The following TLE6 variants were observed in gnomAD, a reference collection of about 807,000 sequenced individuals.
TLE6 encodes transducin-like enhancer protein 6.
A neutral mutation model predicts 77.1 loss-of-function variants in TLE6; 72 were observed. That is an observed-to-expected ratio of 0.93 (90% confidence interval 0.77 to 1.14). The LOEUF is 1.14. Among genes scored for constraint, TLE6 ranks in the 50% most tolerant of loss-of-function variants. TLE6 has a pLI of 0.00. For missense variants in TLE6, 843 were observed against 747.6 expected, an observed-to-expected ratio of 1.13 and a Z score of -1.49; for synonymous variants, 366 against 287.3, an observed-to-expected ratio of 1.27 and a Z score of -2.77.
At chr19:2,994,790 C>A (rs974231059) in intron 16 of TLE6, 110 bp from the exon 17 acceptor site, 2 of 647,892 alleles carry the variant, frequency 3.1e-6, no homozygotes, top group Admixed American at 2.4e-5. Context: ...GGCAACAGAG[C>A]AAGACCCTGT....
chr19:2,980,288 C>A, intron 3 of TLE6, 106 bp downstream of exon 3: 3 of 871,672 alleles, frequency 3.4e-6, no homozygotes, highest in Non-Finnish European at 5.3e-6. Flanking sequence ...GGCCCAAGAG[C>A]CAGGCTCAGG....
chr19:2,992,427 G>A (rs929529607), intron 14 of TLE6, among the ~76,000 whole-genome samples: 2 of 151,968 alleles, frequency 1.3e-5, no homozygotes, highest in African/African-American at 2.4e-5. Flanking sequence ...AGCCGAGATC[G>A]TGCCATTGCA....
At chr19:2,978,096 C>CT in intron 1 of TLE6, 102 bp from the exon 2 acceptor site, 1 of 833,442 alleles carries the variant, frequency 1.2e-6, no homozygotes, top group Non-Finnish European at 1.9e-6. Context: ...TCCCTGGAGA[C>CT]TTACCAAACT....
intron 15 of TLE6, among the ~76,000 whole-genome samples, 182 bp downstream of exon 15, chr19:2,993,764 C>T (rs1304876219): frequency 6.6e-6 from 1 of 151,810 alleles, no homozygotes; most frequent in Non-Finnish European, 1.5e-5. Context: ...GTGCCTGGGC[C>T]CTTCCTCCCC....
intron 4 of TLE6, 129 bp downstream of exon 4, chr19:2,981,712 T>A: frequency 1.7e-5 from 17 of 1,023,356 alleles, no homozygotes; most frequent in Middle Eastern, 2.5e-4. Context: ...GCCTCACGCC[T>A]GTAATCCCAG....
intron 16 of TLE6, 147 bp downstream of exon 16, chr19:2,994,242 G>A: frequency 1.5e-6 from 1 of 651,780 alleles, no homozygotes. Context: ...TTGGGAGGCT[G>A]AGGCAGGAAG....
chr19:2,987,810 G>T lies in TLE6; in HGVS notation c.625+20G>T, dbSNP rs377759004. 5 of 1,613,978 alleles carry T rather than the reference G, an allele frequency of 3.1e-6. No homozygotes were observed. The highest frequency in any genetic ancestry group is 4.2e-6 in the Non-Finnish European group (5 of 1,180,008). ...CCTCCAGTAATCCCAGCGGGCAGGG[G>T]CCGACCGACTCCAGGCGGGATGGGG... On this transcript the variant is annotated intron_variant, in intron 9 of 16. Transcript: ENST00000246112.
Position 2,981,533 on chromosome 19 carries a change from C to A in TLE6, c.135-5C>A. 1 of 1,551,556 alleles carries A rather than the reference C, an allele frequency of 6.4e-7. No individual in the cohort carries two copies. The highest frequency in any genetic ancestry group is 8.7e-7 in the Non-Finnish European group (1 of 1,146,960). On this transcript the variant is annotated splice_region_variant and splice_polypyrimidine_tract_variant and intron_variant, in intron 3 of 16. Transcript: ENST00000246112. ...GTCTTCCAGCCTGTCCTCCTTCCCC[C>A]TCAGGTTTTCTCCTCATTTTGCTGC...
intron 11 of TLE6, chr19:2,988,848 G>A: frequency 1.5e-6 from 1 of 674,478 alleles, no homozygotes; most frequent in African/African-American, 1.8e-5. Flanking sequence ...AGCAGTCTAG[G>A]AAGAAGGCAG....
rs145011661 is a variant in TLE6, at chr19:2,987,707, A to G, written c.559-17A>G. 552 of 1,614,000 alleles carry G rather than the reference A, an allele frequency of 3.4e-4. 1 individual carries two copies. In the African/African-American group the frequency reaches 5.9e-3, roughly 17 times the overall value. ...CAGGCAGGTCAGCAGGCCTGATGAG[A>G]CTTTTCCATTTTCCAGGGGCAGGAA... On this transcript the variant is annotated splice_polypyrimidine_tract_variant and intron_variant, in intron 8 of 16. Transcript: ENST00000246112.
chr19:2,990,509 C>T (rs1258392630), intron 13 of TLE6, among the ~76,000 whole-genome samples: 1 of 150,592 alleles, frequency 6.6e-6, no homozygotes, highest in Non-Finnish European at 1.5e-5. Context: ...GAGGCTGAGG[C>T]AGGAGAATCC....
At chr19:2,979,964 C>CAAAAA (rs58993753) in intron 2 of TLE6, 136 bp from the exon 3 acceptor site, 328 of 368,632 alleles carry the variant, frequency 8.9e-4, no homozygotes, top group East Asian at 1.1e-3. Context: ...ACTCGGTTTC[C>CAAAAA]AAAAAAAAAA....
At chr19:2,992,044 A>T in intron 14 of TLE6, 60 bp downstream of exon 14, 1 of 1,594,444 alleles carries the variant, frequency 6.3e-7, no homozygotes, top group Non-Finnish European at 8.6e-7. Context: ...AGATTAAAAA[A>T]TGAGGTTGAG....
chr19:2,979,273 T>A (rs538681883), intron 2 of TLE6, among the ~76,000 whole-genome samples: 28 of 147,884 alleles, frequency 1.9e-4, no homozygotes, highest in African/African-American at 7.1e-4. Flanking sequence ...TTTTATTGAG[T>A]CTTGCTCTTG....
intron 8 of TLE6, 102 bp downstream of exon 8, chr19:2,987,474 C>A: frequency 1.3e-6 from 2 of 1,537,254 alleles, no homozygotes; most frequent in South Asian, 1.1e-5. Flanking sequence ...ATTTGTCTTC[C>A]TTCCATCCTG....
At chr19:2,983,857 T>G (rs1266123511) in intron 5 of TLE6, 2 of 152,498 alleles carry the variant, frequency 1.3e-5, no homozygotes, top group African/African-American at 2.4e-5. Context: ...AATTGAATAA[T>G]TGTGGACGTG....
At chr19:2,981,747 G>T (rs983377347) in intron 4 of TLE6, among the ~76,000 whole-genome samples, 164 bp downstream of exon 4, 2 of 152,072 alleles carry the variant, frequency 1.3e-5, no homozygotes, top group Non-Finnish European at 2.9e-5. Flanking sequence ...GAGGCAGGTG[G>T]ATCACCTGAG....
At position 2,988,073 on chromosome 19, in the gene TLE6, G is replaced by C; in HGVS notation, c.703-18G>C. The C allele has an allele frequency of 6.4e-7, 1 of 1,553,062 alleles. No homozygotes were observed. Among genetic ancestry groups the C allele is most frequent in the South Asian group, 1.2e-5 (1 of 84,414 alleles). On this transcript the variant is annotated intron_variant, in intron 10 of 16. Coordinates refer to ENST00000246112, the MANE Select transcript of TLE6 (RefSeq NM_001143986.2). Reference sequence around the variant, plus strand: ...GTGCGGGGAGGCTGGGGGCAGCTGTGATCTCCCCCGCCTGCAGGAGCCTCC... The same window carrying C: ...GTGCGGGGAGGCTGGGGGCAGCTGTCATCTCCCCCGCCTGCAGGAGCCTCC...
At chr19:2,993,101 C>T (rs1828022387) in intron 14 of TLE6, among the ~76,000 whole-genome samples, 2 of 149,198 alleles carry the variant, frequency 1.3e-5, no homozygotes, top group Admixed American at 1.3e-4. Flanking sequence ...GTCCCAGCTA[C>T]TCAAGAGGCT....
Sources: allele counts gnomAD v4.1 joint callset (sites outside exome capture counted in the v4.1 genomes callset), GRCh38; gene constraint gnomAD v4.1.1; transcripts MANE v1.5; gene names NCBI Gene and HGNC (gene_info 2026-07-23, HGNC 2026-07-21).